PCLO: variants seen among roughly 807,000 people sequenced by gnomAD.
The protein encoded by PCLO is protein piccolo.
PCLO carries 82 observed loss-of-function variants against 427.5 expected under a neutral mutation model. That is an observed-to-expected ratio of 0.19 (90% CI 0.16 to 0.23). PCLO has a LOEUF of 0.23. Among genes scored for constraint, PCLO ranks in the 10% least tolerant of loss-of-function variants. PCLO has a pLI of 1.00. For synonymous variants in PCLO, 2,357 were observed against 2,155.4 expected, an observed-to-expected ratio of 1.09 and a Z score of -2.59; for missense variants, 6,239 against 6,115.9, an observed-to-expected ratio of 1.02 and a Z score of -0.67.
At chr7:83,147,413 C>T (rs1792022858) in intron 2 of PCLO, among the ~76,000 whole-genome samples, 2 of 151,282 alleles carry the variant, frequency 1.3e-5, no homozygotes, top group Admixed American at 1.3e-4. Context: ...TGCAAAAAAC[C>T]CAATAAACTT....
chr7:82,903,273 G>T (rs969115516), intron 8 of PCLO, among the ~76,000 whole-genome samples: 3 of 151,834 alleles, frequency 2.0e-5, no homozygotes, highest in Admixed American at 6.6e-5. Context: ...CTGAGCACAG[G>T]TACTAGAAGT....
At chr7:82,768,907 G>A (rs1433405516) in intron 22 of PCLO, among the ~76,000 whole-genome samples, 1 of 151,982 alleles carries the variant, frequency 6.6e-6, no homozygotes, top group African/African-American at 2.4e-5. Flanking sequence ...GAAACATTAC[G>A]ATTAACAGAA....
Position 82,953,245 on chromosome 7 carries a change from G to A in PCLO, c.7708C>T (p.Pro2570Ser), listed in dbSNP as rs1212394325. 1.2e-6 allele frequency: 2 copies of A among 1,613,962 alleles called. No homozygotes were observed. The highest frequency in any genetic ancestry group is 1.7e-5 in the Admixed American group (1 of 60,018). ...PLSPHSNKSS[P>S]RFSKSLTETY... ...TCTGTGAGGGATTTGGAAAATCTTG[G>A]TGAAGACTTGTTGGAGTGTGGGGAA... The change falls in exon 5 of 25, where the codon CCA (proline) becomes TCA (serine). Residue 2570 changes from proline (P) to serine (S), a missense_variant. Coordinates refer to ENST00000333891, the MANE Select transcript of PCLO (RefSeq NM_033026.6).
At chr7:83,048,790 G>A (rs1363911279) in intron 3 of PCLO, among the ~76,000 whole-genome samples, 1 of 151,920 alleles carries the variant, frequency 6.6e-6, no homozygotes, top group Non-Finnish European at 1.5e-5. Context: ...GGTTTAAAGA[G>A]CACCATATTA....
rs147225588 is a variant in PCLO at position 82,804,773 on chromosome 7, A to G, written c.14933+915T>C. Among the ~76,000 whole-genome samples the G allele has an allele frequency of 8.4e-4, 128 of 152,332 alleles. 4 individuals carry two copies. In the East Asian group the frequency reaches 0.024, roughly 28 times the overall value. ...CAATTTCCTATAATTTTCAAGTGTC[A>G]CAAAATATCACACTTCTTTTGTTTT... On this transcript the variant is annotated intron_variant, in intron 21 of 24. Transcript: ENST00000333891.
intron 22 of PCLO, among the ~76,000 whole-genome samples, chr7:82,792,245 AT>A (rs1222066974): frequency 2.0e-5 from 3 of 151,540 alleles, no homozygotes; most frequent in African/African-American, 4.9e-5. Flanking sequence ...AAATAATACC[AT>A]TTTTTTCTTC....
In PCLO at chr7:82,875,737, T is replaced by C. The variant is rs183020210; in HGVS notation, c.13654+3600A>G. ...GTAGCCTGATTTGATCATTCCATAA[T>C]GTACATATGCATTGAAACATCACAT... On this transcript the variant is annotated intron_variant, in intron 10 of 24. Transcript: ENST00000333891. Among the ~76,000 whole-genome samples, 292 of 152,246 alleles carry C rather than the reference T, an allele frequency of 1.9e-3. 2 individuals carry two copies. The highest frequency in any genetic ancestry group is 3.3e-3 in the Non-Finnish European group (222 of 67,972).
chr7:82,801,685 A>G lies in PCLO; in HGVS notation c.14934-94T>C, dbSNP rs978688962. On this transcript the variant is annotated intron_variant, in intron 21 of 24. Coordinates refer to ENST00000333891, the MANE Select transcript of PCLO (RefSeq NM_033026.6). ...CATAAATAAAATGACATTGATAGTAATGGCAAAACCTGCAATTACTTTTGC... is the reference window on the plus strand; with the variant it reads ...CATAAATAAAATGACATTGATAGTAGTGGCAAAACCTGCAATTACTTTTGC... 11 of 732,892 alleles carry G rather than the reference A, an allele frequency of 1.5e-5. No individual in the cohort carries two copies. The Admixed American group carries it at 1.6e-4, about 11-fold the overall frequency. The allele number at this position is 732,892 out of a possible 1,614,324, so 45.4% of individuals were successfully genotyped here.
intron 2 of PCLO, among the ~76,000 whole-genome samples, chr7:83,140,919 G>C (rs1342899090): frequency 1.3e-5 from 2 of 152,080 alleles, no homozygotes; most frequent in Non-Finnish European, 2.9e-5. Context: ...TAATACACTT[G>C]GTCCCTTCAT....
intron 20 of PCLO, chr7:82,821,088 T>C: frequency 9.2e-7 from 1 of 1,088,510 alleles, no homozygotes; most frequent in Non-Finnish European, 1.1e-6. Context: ...TGCTGTGTGC[T>C]TTGAACAGGG....
At chr7:82,886,727 T>C (rs1793636515) in intron 9 of PCLO, among the ~76,000 whole-genome samples, 1 of 152,150 alleles carries the variant, frequency 6.6e-6, no homozygotes. Context: ...TTATTTTTGG[T>C]TATTTTCATT....
chr7:82,826,840 TTTTGCACTCTAAAC>T (rs1791958175), intron 17 of PCLO, among the ~76,000 whole-genome samples, 180 bp from the exon 18 acceptor site: 1 of 152,038 alleles, frequency 6.6e-6, no homozygotes, highest in Non-Finnish European at 1.5e-5. Context: ...ATTTGAATGA[TTTTGCACTCTAAAC>T]TAGTGTTTGA....
intron 9 of PCLO, among the ~76,000 whole-genome samples, chr7:82,901,567 T>C (rs1214882116): frequency 6.6e-6 from 1 of 151,896 alleles, no homozygotes; most frequent in African/African-American, 2.4e-5. Context: ...AAGCCAAAAT[T>C]GACAAATGGG....
chr7:82,862,898 G>A (rs757718264), intron 10 of PCLO, among the ~76,000 whole-genome samples: 22 of 151,724 alleles, frequency 1.5e-4, no homozygotes, highest in Non-Finnish European at 2.7e-4. Flanking sequence ...ATGGTTAAAG[G>A]GTACAAAAAA....
chr7:83,022,203 T>C (rs1341329563), intron 3 of PCLO, among the ~76,000 whole-genome samples: 1 of 152,150 alleles, frequency 6.6e-6, no homozygotes, highest in East Asian at 1.9e-4. Context: ...AGGTGCTGTC[T>C]ATGAGGAATG....
At chr7:82,848,945 A>G in intron 10 of PCLO, 1 of 387,172 alleles carries the variant, frequency 2.6e-6, no homozygotes, top group Non-Finnish European at 5.3e-6. Flanking sequence ...AAAATGAGAA[A>G]ATTATGTAAA....
At chr7:83,071,810 A>T (rs1199533514) in intron 3 of PCLO, among the ~76,000 whole-genome samples, 1 of 152,144 alleles carries the variant, frequency 6.6e-6, no homozygotes, top group Non-Finnish European at 1.5e-5. Flanking sequence ...TTATTTGGTC[A>T]TGTTGTTGGA....
chr7:82,954,411 G>A lies in PCLO; in HGVS notation c.6542C>T (p.Thr2181Ile), dbSNP rs753369229. 3.1e-6 allele frequency: 5 copies of A among 1,613,948 alleles called. No homozygotes were observed. Among genetic ancestry groups the A allele is most frequent in the Non-Finnish European group, 4.2e-6 (5 of 1,179,846 alleles). ...ESATSVPPSD[T>I]PSLTSSVSSV... is the part of the protein sequence containing the mutation. ...AGAAACAGATGATGTGAGAGAAGGT[G>A]TGTCAGAGGGTGGGACAGATGTAGC... The change falls in exon 5 of 25, where the codon ACA becomes ATA. Residue 2181 changes from threonine to isoleucine, a missense_variant. Thr to Ile is a moderately conservative substitution (Grantham distance 89, BLOSUM62 -1). Transcript: ENST00000333891.
At chr7:82,929,577 T>C (rs144478908) in intron 6 of PCLO, among the ~76,000 whole-genome samples, 1 of 152,294 alleles carries the variant, frequency 6.6e-6, no homozygotes, top group African/African-American at 2.4e-5. Flanking sequence ...AGATCAATGC[T>C]ACATTTAAAG....
Sources: gnomAD v4.1 joint callset for allele counts (sites outside exome capture counted in the v4.1 genomes callset) on GRCh38, gnomAD v4.1.1 for gene constraint, MANE v1.5 for transcripts, NCBI Gene and HGNC (gene_info 2026-07-23, HGNC 2026-07-21) for gene names.